The following DHRSX variants were observed in gnomAD, a reference collection of about 807,000 sequenced individuals.
DHRSX encodes the protein polyprenol dehydrogenase.
Under a neutral mutation model 34.0 loss-of-function variants are expected in DHRSX, and 31 were observed. That is an observed-to-expected ratio of 0.91 (90% CI 0.69 to 1.23). DHRSX has a LOEUF of 1.23. Among genes scored for constraint, DHRSX ranks in the 50% most tolerant of loss-of-function variants. The probability of loss-of-function intolerance (pLI) is 0.00; values close to 1 mark genes in which losing one functional copy is unlikely to be tolerated. For synonymous variants in DHRSX, 201 were observed against 183.8 expected (o/e 1.09, Z -0.76); for missense variants, 414 against 428.1 (o/e 0.97, Z 0.29).
Position 2,249,356 on chromosome X carries a change from CT to C in DHRSX, c.597-6127del, listed in dbSNP as rs765751396. Among the ~76,000 whole-genome samples, 536 of 133,346 alleles carry C rather than the reference CT, an allele frequency of 4.0e-3. 2 individuals are homozygous for C. Among genetic ancestry groups the C allele is most frequent in the African/African-American group, 7.3e-3 (256 of 35,176 alleles). 87.5% of individuals were successfully genotyped at this position (133,346 alleles called of 152,430 possible). ...TACAGGCACCTGCCACCATGCCCGG[CT>C]TTTTTTTTTTTTTTGTATTTTTAGT... On this transcript the variant is annotated intron_variant, in intron 5 of 6. Transcript: ENST00000334651.
chrX:2,264,240 T>C (rs2124458258), intron 5 of DHRSX, among the ~76,000 whole-genome samples: 1 of 152,052 alleles, frequency 6.6e-6, no homozygotes, highest in East Asian at 1.9e-4. Context: ...GGTAGCAGTG[T>C]GCCCAGAGCA....
At chrX:2,482,750 A>C (rs1453228553) in intron 1 of DHRSX, among the ~76,000 whole-genome samples, 4 of 152,212 alleles carry the variant, frequency 2.6e-5, no homozygotes, top group Non-Finnish European at 4.4e-5. Context: ...ATACGTTCTC[A>C]GAGTTCCTGC....
At chrX:2,373,867 G>A (rs1444254124) in intron 3 of DHRSX, among the ~76,000 whole-genome samples, 1 of 152,160 alleles carries the variant, frequency 6.6e-6, no homozygotes, top group Non-Finnish European at 1.5e-5. Flanking sequence ...GAACCCAGGA[G>A]GAGGGTTATC....
intron 1 of DHRSX, among the ~76,000 whole-genome samples, chrX:2,478,471 A>C (rs190264929): frequency 1.1e-3 from 170 of 151,874 alleles, no homozygotes; most frequent in Admixed American, 2.0e-3. Context: ...CACACTGAAG[A>C]CGTTCCCTAA....
intron 4 of DHRSX, among the ~76,000 whole-genome samples, chrX:2,277,064 AG>A (rs1363265294): frequency 5.0e-5 from 4 of 80,138 alleles, no homozygotes; most frequent in South Asian, 8.2e-4. Flanking sequence ...GGGAGGAAAT[AG>A]GGGGAAAGAG....
intron 1 of DHRSX, among the ~76,000 whole-genome samples, chrX:2,456,943 C>T (rs750692996): frequency 1.3e-5 from 2 of 151,146 alleles, no homozygotes; most frequent in South Asian, 4.2e-4. Flanking sequence ...AGGATGTGGA[C>T]CGTGCAGGAG....
intron 1 of DHRSX, among the ~76,000 whole-genome samples, chrX:2,484,065 T>A (rs1343678032): frequency 5.9e-5 from 9 of 152,286 alleles, no homozygotes; most frequent in Non-Finnish European, 1.3e-4. Flanking sequence ...AACCTCCGCC[T>A]CCCTGGTTCA....
intron 3 of DHRSX, among the ~76,000 whole-genome samples, chrX:2,310,865 A>C (rs888796539): frequency 1.3e-5 from 2 of 152,012 alleles, no homozygotes; most frequent in African/African-American, 4.8e-5. Context: ...GTTCGAGACC[A>C]GCCTGGCCAA....
At chrX:2,394,592 GCA>G in intron 3 of DHRSX, among the ~76,000 whole-genome samples, 1 of 152,230 alleles carries the variant, frequency 6.6e-6, no homozygotes, top group South Asian at 2.1e-4. Flanking sequence ...TTGGGGCCGG[GCA>G]CAGTGGCTCA....
chrX:2,379,977 CA>C (rs1309757132), intron 3 of DHRSX, among the ~76,000 whole-genome samples: 4 of 151,976 alleles, frequency 2.6e-5, no homozygotes, highest in Non-Finnish European at 5.9e-5. Context: ...CTGTTGATTC[CA>C]AAATCCTGGA....
At chrX:2,309,122 A>C (rs905408078) in intron 3 of DHRSX, among the ~76,000 whole-genome samples, 5 of 152,172 alleles carry the variant, frequency 3.3e-5, no homozygotes, top group African/African-American at 1.2e-4. Context: ...TCAATCAAGG[A>C]AATTAGGTCT....
At chrX:2,495,966 C>T (rs2045274942) in intron 1 of DHRSX, among the ~76,000 whole-genome samples, 1 of 152,096 alleles carries the variant, frequency 6.6e-6, no homozygotes, top group Non-Finnish European at 1.5e-5. Context: ...ATGGATGAGA[C>T]TGACAAAACC....
At chrX:2,448,220 C>G (rs1174409519) in intron 1 of DHRSX, among the ~76,000 whole-genome samples, 1 of 151,834 alleles carries the variant, frequency 6.6e-6, no homozygotes, top group Non-Finnish European at 1.5e-5. Context: ...CACCTGTAGT[C>G]CCAGCTACCT....
At chrX:2,403,787 C>T (rs1319519902) in intron 3 of DHRSX, among the ~76,000 whole-genome samples, 4 of 140,478 alleles carry the variant, frequency 2.8e-5, no homozygotes, top group African/African-American at 8.0e-5. Flanking sequence ...ACCCGGGAGG[C>T]GGAGGTTGCA....
intron 1 of DHRSX, among the ~76,000 whole-genome samples, chrX:2,428,021 C>T (rs2043870614): frequency 6.6e-6 from 1 of 152,080 alleles, no homozygotes; most frequent in Admixed American, 6.5e-5. Flanking sequence ...AGTCAAGTAC[C>T]ACATGTTATC....
intron 5 of DHRSX, among the ~76,000 whole-genome samples, chrX:2,265,762 G>A (rs1313344191): frequency 2.1e-4 from 17 of 81,074 alleles, no homozygotes; most frequent in South Asian, 9.0e-4. Context: ...ACCAGTGCTT[G>A]GCAGACGCAG....
intron 1 of DHRSX, among the ~76,000 whole-genome samples, chrX:2,483,924 C>G (rs1230133942): frequency 6.6e-5 from 10 of 151,870 alleles, no homozygotes; most frequent in Non-Finnish European, 1.3e-4. Flanking sequence ...AAAAAGAAGT[C>G]AACAGAGCAA....
intron 1 of DHRSX, among the ~76,000 whole-genome samples, chrX:2,466,569 C>T (rs981524759): frequency 2.0e-5 from 3 of 152,094 alleles, no homozygotes; most frequent in African/African-American, 4.8e-5. Flanking sequence ...CACTCATAAA[C>T]GGCAGCTAAA....
chrX:2,494,269 C>CAAT (rs2045228767), intron 1 of DHRSX, among the ~76,000 whole-genome samples: 1 of 150,824 alleles, frequency 6.6e-6, no homozygotes, highest in African/African-American at 2.4e-5. Context: ...TATATTATTA[C>CAAT]ATTATTATTA....
Sources: allele counts gnomAD v4.1 joint callset (sites outside exome capture counted in the v4.1 genomes callset), GRCh38; gene constraint gnomAD v4.1.1; transcripts MANE v1.5; gene names NCBI Gene and HGNC (gene_info 2026-07-23, HGNC 2026-07-21).